Variants in MSRB3 observed in about 807,000 individuals in gnomAD.
MSRB3 encodes methionine-R-sulfoxide reductase B3.
In MSRB3, 13 loss-of-function variants were observed where a neutral mutation model predicts 21.0. The observed-to-expected ratio is 0.62, with a 90% CI of 0.40 to 0.98. The LOEUF (loss-of-function observed/expected upper bound fraction) is 0.98. MSRB3 is among the 50% of genes least tolerant of loss of function. The probability of loss-of-function intolerance (pLI) is 0.00; values close to 1 mark genes in which losing one functional copy is unlikely to be tolerated. For synonymous variants in MSRB3, 87 were observed against 88.6 expected (o/e 0.98, Z 0.10); for missense variants, 199 against 230.3 (o/e 0.86, Z 0.88).
intron 4 of MSRB3, among the ~76,000 whole-genome samples, chr12:65,360,641 A>G (rs762946767): frequency 8.6e-5 from 13 of 151,968 alleles, no homozygotes; most frequent in Non-Finnish European, 1.3e-4. Flanking sequence ...GAATGCAGGG[A>G]AAAAAAGTAG....
intron 5 of MSRB3, among the ~76,000 whole-genome samples, chr12:65,431,697 G>T (rs931002649): frequency 5.3e-5 from 8 of 152,154 alleles, no homozygotes; most frequent in African/African-American, 1.9e-4. Flanking sequence ...AAGTGAACAT[G>T]ATACTTTTTG....
chr12:65,464,080 C>T lies in MSRB3; in HGVS notation c.*758C>T. The T allele has an allele frequency of 6.6e-6, 1 of 152,562 alleles. No individual in the cohort carries two copies. The highest frequency in any genetic ancestry group is 1.5e-5 in the Non-Finnish European group (1 of 68,230). The allele number at this position is 152,562 out of a possible 1,614,324, so 9.5% of individuals were successfully genotyped here. Reference sequence around the variant, plus strand: ...ACGAGGTCAGGAGATGGAGACCATCCTGGCTAACATGGTGAAACCCCGTCT... The same window carrying T: ...ACGAGGTCAGGAGATGGAGACCATCTTGGCTAACATGGTGAAACCCCGTCT... On this transcript the variant is annotated 3_prime_UTR_variant, in exon 7 of 7. Transcript: ENST00000308259.
chr12:65,290,070 T>C (rs945723453), intron 1 of MSRB3, among the ~76,000 whole-genome samples: 1 of 152,162 alleles, frequency 6.6e-6, no homozygotes, highest in African/African-American at 2.4e-5. Context: ...TCTTGTGTTT[T>C]CCTATGGAGT....
chr12:65,321,925 A>G (rs1874693376), intron 2 of MSRB3, among the ~76,000 whole-genome samples: 1 of 152,178 alleles, frequency 6.6e-6, no homozygotes, highest in African/African-American at 2.4e-5. Context: ...AGACATTCTT[A>G]TCTCTTATTC....
chr12:65,376,693 T>A (rs1002375336), intron 5 of MSRB3, among the ~76,000 whole-genome samples: 4 of 150,846 alleles, frequency 2.7e-5, no homozygotes, highest in Non-Finnish European at 4.4e-5. Context: ...GGTGGGGGGA[T>A]AGGGGAGGGA....
chr12:65,406,410 A>G (rs1479381296), intron 5 of MSRB3, among the ~76,000 whole-genome samples: 1 of 152,356 alleles, frequency 6.6e-6, no homozygotes, highest in East Asian at 1.9e-4. Flanking sequence ...CTGTGCACTG[A>G]AAACTATAAA....
intron 1 of MSRB3, among the ~76,000 whole-genome samples, chr12:65,294,889 A>G (rs1308988032): frequency 6.6e-6 from 1 of 152,076 alleles, no homozygotes; most frequent in Non-Finnish European, 1.5e-5. Flanking sequence ...TGGTGTGATC[A>G]CGGCTCCCTG....
chr12:65,342,659 G>T (rs895370318), intron 4 of MSRB3, among the ~76,000 whole-genome samples: 2 of 151,916 alleles, frequency 1.3e-5, no homozygotes, highest in Non-Finnish European at 2.9e-5. Context: ...TATGCATAAA[G>T]ATATAGCTAC....
intron 1 of MSRB3, among the ~76,000 whole-genome samples, chr12:65,298,128 C>T (rs889434265): frequency 2.6e-5 from 4 of 152,016 alleles, no homozygotes; most frequent in Non-Finnish European, 4.4e-5. Context: ...CTCAGCGTTC[C>T]GAGTAGCTGG....
intron 5 of MSRB3, among the ~76,000 whole-genome samples, chr12:65,382,020 GA>G (rs1402162362): frequency 6.6e-6 from 1 of 152,050 alleles, no homozygotes; most frequent in Non-Finnish European, 1.5e-5. Context: ...ATAAGTGAAT[GA>G]ATGACATATA....
chr12:65,341,604 A>G (rs917067659), intron 4 of MSRB3, among the ~76,000 whole-genome samples: 15 of 152,092 alleles, frequency 9.9e-5, no homozygotes, highest in African/African-American at 3.4e-4. Flanking sequence ...AAATGCTTGC[A>G]GTAATGACCC....
chr12:65,445,045 A>G (rs1450811112), intron 5 of MSRB3, among the ~76,000 whole-genome samples: 1 of 152,142 alleles, frequency 6.6e-6, no homozygotes, highest in African/African-American at 2.4e-5. Flanking sequence ...TTTGTCTCCT[A>G]GATCCACAAG....
At chr12:65,458,145 C>A (rs949146415) in intron 6 of MSRB3, among the ~76,000 whole-genome samples, 3 of 152,122 alleles carry the variant, frequency 2.0e-5, no homozygotes, top group Admixed American at 2.0e-4. Flanking sequence ...ATGAACTGAG[C>A]CTTCATGGAC....
chr12:65,449,724 A>T (rs1592648290), intron 5 of MSRB3, among the ~76,000 whole-genome samples: 1 of 152,318 alleles, frequency 6.6e-6, no homozygotes, highest in East Asian at 1.9e-4. Context: ...CATGTAGCTG[A>T]CTAGCAAGGT....
At chr12:65,422,428 A>ATATATATATATT (rs34413074) in intron 5 of MSRB3, among the ~76,000 whole-genome samples, 47 of 73,268 alleles carry the variant, frequency 6.4e-4, no homozygotes, top group Non-Finnish European at 8.4e-4. Flanking sequence ...ATATATATAT[A>ATATATATATATT]TATTTATTTA....
chr12:65,400,623 G>A (rs762731736), intron 5 of MSRB3, among the ~76,000 whole-genome samples: 27 of 151,644 alleles, frequency 1.8e-4, no homozygotes, highest in African/African-American at 4.1e-4. Flanking sequence ...AGTTCTGCTC[G>A]GATCTTAGTT....
chr12:65,317,873 A>C (rs1241172727), intron 2 of MSRB3, among the ~76,000 whole-genome samples: 1 of 152,216 alleles, frequency 6.6e-6, no homozygotes, highest in Non-Finnish European at 1.5e-5. Context: ...AAGAAGATTT[A>C]AATAGCAATA....
At chr12:65,456,014 G>A (rs903797554) in intron 6 of MSRB3, among the ~76,000 whole-genome samples, 4 of 152,136 alleles carry the variant, frequency 2.6e-5, no homozygotes, top group East Asian at 1.9e-4. Context: ...TGGGATTACA[G>A]GCATGAGCCA....
rs188075016 is a variant in MSRB3, at chr12:65,304,730, G to A, written c.-51-3799G>A. On this transcript the variant is annotated intron_variant, in intron 1 of 6. Coordinates refer to ENST00000308259, the MANE Select transcript of MSRB3 (RefSeq NM_001031679.3). ...TTTAATGCTAAGCTTTTGCTTTCAG[G>A]ACTAGGATTGTTTCTGGCAATGGCC... 1.6e-3 allele frequency among the ~76,000 whole-genome samples: 250 copies of A among 152,320 alleles called. 1 individual carries two copies. The highest frequency in any genetic ancestry group is 5.8e-3 in the African/African-American group (240 of 41,566).
Sources: gnomAD v4.1 joint callset for allele counts (sites outside exome capture counted in the v4.1 genomes callset) on GRCh38, gnomAD v4.1.1 for gene constraint, MANE v1.5 for transcripts, NCBI Gene and HGNC (gene_info 2026-07-23, HGNC 2026-07-21) for gene names.